FBXL5: variants seen among roughly 807,000 people sequenced by gnomAD.
FBXL5 encodes F-box and leucine rich repeat protein 5.
Under a neutral mutation model 78.3 loss-of-function variants are expected in FBXL5, and 26 were observed. That is an observed-to-expected ratio of 0.33 (90% CI 0.24 to 0.46). The LOEUF (loss-of-function observed/expected upper bound fraction) is 0.46, where lower values mean the gene tolerates loss of function less well. FBXL5 is among the 20% of genes least tolerant of loss of function. The pLI is 1.00. For synonymous variants in FBXL5, 295 were observed against 282.5 expected, an observed-to-expected ratio of 1.04 and a Z score of -0.45; for missense variants, 710 against 829.2, an observed-to-expected ratio of 0.86 and a Z score of 1.77.
chr4:15,680,641 A>G (rs1718198608), intron 1 of FBXL5, among the ~76,000 whole-genome samples: 1 of 152,060 alleles, frequency 6.6e-6, no homozygotes, highest in Admixed American at 6.6e-5. Context: ...GCGCCACTGC[A>G]CTCCAGCCTG....
chr4:15,615,408 T>C (rs1711717210), intron 9 of FBXL5, among the ~76,000 whole-genome samples: 1 of 151,518 alleles, frequency 6.6e-6, no homozygotes, highest in African/African-American at 2.4e-5. Flanking sequence ...AGAGTCTTTA[T>C]GTCTAGCTCA....
chr4:15,655,675 C>G (rs1260623261), upstream of FBXL5, among the ~76,000 whole-genome samples: 4 of 152,236 alleles, frequency 2.6e-5, no homozygotes, highest in Non-Finnish European at 4.4e-5. Flanking sequence ...CTGCCCACCA[C>G]GGCCTTGAGG....
upstream of FBXL5, among the ~76,000 whole-genome samples, chr4:15,655,802 C>G (rs1272074092): frequency 6.6e-6 from 1 of 152,200 alleles, no homozygotes; most frequent in Non-Finnish European, 1.5e-5. Flanking sequence ...CGGAGCTGCC[C>G]TTCGCCTCCC....
chr4:15,681,221 G>A (rs373295031), intron 1 of FBXL5: 1 of 152,144 alleles, frequency 6.6e-6, no homozygotes, highest in Non-Finnish European at 1.5e-5. Context: ...AAGTAAACAC[G>A]TGCAATGATA....
chr4:15,625,216 C>T lies in FBXL5; in HGVS notation c.1850+36G>A, dbSNP rs370741412. ...TATATTCCATTTGGAAATGAGAACA[C>T]GTCTATTTCTTAATATTCTGGAACT... On this transcript the variant is annotated intron_variant, in intron 9 of 10. Transcript: ENST00000341285. The T allele has an allele frequency of 5.6e-5, 86 of 1,528,516 alleles. No individual in the cohort carries two copies. The African/African-American group carries it at 1.2e-3, about 21-fold the overall frequency. The allele number at this position is 1,528,516 out of a possible 1,614,324, so 94.7% of individuals were successfully genotyped here.
intron 1 of FBXL5, among the ~76,000 whole-genome samples, chr4:15,670,422 TAC>T (rs1363722377): frequency 6.6e-6 from 1 of 152,248 alleles, no homozygotes; most frequent in Non-Finnish European, 1.5e-5. Context: ...TGTCTAATAA[TAC>T]AGAGATTCCA....
chr4:15,613,967 C>A (rs1711529584), intron 9 of FBXL5, among the ~76,000 whole-genome samples: 1 of 152,124 alleles, frequency 6.6e-6, no homozygotes, highest in Non-Finnish European at 1.5e-5. Context: ...TCATTTGGAT[C>A]CACTGCTGGT....
chr4:15,663,327 C>T (rs1370886522), upstream of FBXL5, among the ~76,000 whole-genome samples: 1 of 152,164 alleles, frequency 6.6e-6, no homozygotes, highest in Admixed American at 6.5e-5. Context: ...TTATTAGACA[C>T]CTAACACTGT....
At chr4:15,642,243 CTTT>C (rs34820897) in intron 2 of FBXL5, among the ~76,000 whole-genome samples, 3 of 141,754 alleles carry the variant, frequency 2.1e-5, no homozygotes, top group African/African-American at 5.2e-5. Flanking sequence ...ATAATGAAAA[CTTT>C]TTTTTTTTTT....
At chr4:15,608,750 G>C (rs1260241744) in intron 10 of FBXL5, among the ~76,000 whole-genome samples, 1 of 151,994 alleles carries the variant, frequency 6.6e-6, no homozygotes, top group East Asian at 1.9e-4. Context: ...AGTAACTATA[G>C]TATTAAATGA....
In FBXL5 at chr4:15,647,222, CAA is replaced by C. The variant is rs112736448; in HGVS notation, c.85-2516_85-2515del. 1.2e-3 allele frequency among the ~76,000 whole-genome samples: 43 copies of C among 36,512 alleles called. No homozygotes were observed. The South Asian group carries it at 0.045, about 38-fold the overall frequency. The allele number at this position is 36,512 out of a possible 152,430, so 24.0% of individuals were successfully genotyped here. The stretch of plus-strand genomic sequence containing the variant: ...TGGGCAACAAAGCAAGACTCCATCT[CAA>C]AAAAAAAAAAAAAAAAAAAGAAAGA... On this transcript the variant is annotated intron_variant, in intron 1 of 10. Coordinates refer to ENST00000341285, the MANE Select transcript of FBXL5 (RefSeq NM_012161.4).
In FBXL5 at chr4:15,667,178, G is replaced by A. The variant is rs531620422; in HGVS notation, c.-283-7256C>T. Among the ~76,000 whole-genome samples, 9 of 152,252 alleles carry A rather than the reference G, an allele frequency of 5.9e-5. No individual in the cohort carries two copies. The South Asian group carries it at 8.3e-4, about 14-fold the overall frequency. On this transcript the variant is annotated intron_variant, in intron 1 of 4. Coordinates refer to the FBXL5 transcript ENST00000507899. Reference sequence around the variant, plus strand: ...TGCAAAGGGCACCTGAATACACGTCGTAGTACTTAGGTTCTTGGCTCTTTC... The same window carrying A: ...TGCAAAGGGCACCTGAATACACGTCATAGTACTTAGGTTCTTGGCTCTTTC...
intron 9 of FBXL5, among the ~76,000 whole-genome samples, chr4:15,620,572 T>C (rs1712374125): frequency 6.6e-6 from 1 of 152,244 alleles, no homozygotes; most frequent in South Asian, 2.1e-4. Context: ...CCACTTCTGT[T>C]TAACATAATG....
chr4:15,642,881 A>G (rs910500121), intron 2 of FBXL5, among the ~76,000 whole-genome samples: 3 of 152,188 alleles, frequency 2.0e-5, no homozygotes, highest in African/African-American at 7.2e-5. Flanking sequence ...TATATACTCT[A>G]GAAAGTCAGG....
chr4:15,680,587 G>A (rs1399586385), intron 1 of FBXL5, among the ~76,000 whole-genome samples: 2 of 152,098 alleles, frequency 1.3e-5, no homozygotes, highest in Non-Finnish European at 1.5e-5. Context: ...TGTGGCAGGG[G>A]AATCGCTTGA....
chr4:15,610,935 TTA>T (rs1364656399), intron 10 of FBXL5, among the ~76,000 whole-genome samples: 1 of 152,072 alleles, frequency 6.6e-6, no homozygotes. Context: ...TAAAATAACT[TTA>T]TGTTAACAAA....
intron 7 of FBXL5, 101 bp downstream of exon 7, chr4:15,627,784 T>C (rs1713217206): frequency 1.8e-6 from 2 of 1,119,764 alleles, no homozygotes; most frequent in African/African-American, 1.7e-5. Flanking sequence ...CAATAATCAT[T>C]TTTGGGTTTG....
At chr4:15,639,919 A>C (rs1000412343) in intron 3 of FBXL5, among the ~76,000 whole-genome samples, 3 of 152,236 alleles carry the variant, frequency 2.0e-5, no homozygotes, top group Non-Finnish European at 4.4e-5. Context: ...TCATAAAATA[A>C]TTTATCTATT....
intron 1 of FBXL5, among the ~76,000 whole-genome samples, chr4:15,647,127 A>AC (rs1369014049): frequency 1.3e-5 from 2 of 149,702 alleles, no homozygotes; most frequent in Non-Finnish European, 3.0e-5. Flanking sequence ...GGAGGCTGAG[A>AC]CAGGAGAATC....
Sources: gnomAD v4.1 joint callset for allele counts (sites outside exome capture counted in the v4.1 genomes callset) on GRCh38, gnomAD v4.1.1 for gene constraint, MANE v1.5 for transcripts, NCBI Gene and HGNC (gene_info 2026-07-23, HGNC 2026-07-21) for gene names.